Variants in PIEZO2 observed in about 807,000 individuals in gnomAD.
PIEZO2 encodes the protein piezo-type mechanosensitive ion channel component 2.
PIEZO2 carries 172 observed loss-of-function variants against 337.3 expected under a neutral mutation model. The observed-to-expected ratio is 0.51, with a 90% CI of 0.45 to 0.58. PIEZO2 has a LOEUF of 0.58. Among genes scored for constraint, PIEZO2 ranks in the 20% least tolerant of loss-of-function variants. PIEZO2 has a pLI of 0.00. For missense variants in PIEZO2, 3,028 were observed against 3,391.3 expected (o/e 0.89, Z 2.66); for synonymous variants, 1,251 against 1,228.5 (o/e 1.02, Z -0.38).
intron 1 of PIEZO2, among the ~76,000 whole-genome samples, chr18:11,090,186 T>C (rs1265511470): frequency 2.6e-5 from 4 of 152,146 alleles, no homozygotes; most frequent in Admixed American, 6.5e-5. Context: ...ACGGTGCCTT[T>C]TCCTGGAACA....
rs2040193334 is a variant in PIEZO2, at chr18:11,126,703, GA to G, written c.64+21821del. Among the ~76,000 whole-genome samples, 1 of 151,762 alleles carries G rather than the reference GA, an allele frequency of 6.6e-6. No individual in the cohort carries two copies. The highest frequency in any genetic ancestry group is 1.5e-5 in the Non-Finnish European group (1 of 67,976). On this transcript the variant is annotated intron_variant, in intron 1 of 55. Transcript: ENST00000674853. The surrounding 1 kb of genome is among the most constrained non-coding windows in gnomAD (Gnocchi z 4.6). ...GTAAATGTTTATTGAATGAATCAAT[GA>G]AAGATCAACATCACAATAATAATTT...
rs1334499844 is a variant in PIEZO2, at chr18:11,031,220, C to T, written c.160+34907G>A. Among the ~76,000 whole-genome samples, 2 of 151,010 alleles carry T rather than the reference C, an allele frequency of 1.3e-5. No individual in the cohort carries two copies. Among genetic ancestry groups the T allele is most frequent in the East Asian group, 3.9e-4 (2 of 5,144 alleles). On this transcript the variant is annotated intron_variant, in intron 2 of 55. Coordinates refer to ENST00000674853, the MANE Select transcript of PIEZO2 (RefSeq NM_001378183.1). The surrounding 1 kb of genome is among the most constrained non-coding windows in gnomAD (Gnocchi z 4.7). ...TTCACCGTGTTAGCCAGGATGGTCT[C>T]AATCTCCTGACCTCGTGATCCACCC...
In PIEZO2 at chr18:11,105,009, G is replaced by A. The variant is rs73400558; in HGVS notation, c.65-38787C>T. On this transcript the variant is annotated intron_variant, in intron 1 of 55. Coordinates refer to ENST00000674853, the MANE Select transcript of PIEZO2 (RefSeq NM_001378183.1). The surrounding 1 kb of genome is among the most constrained non-coding windows in gnomAD (Gnocchi z 4.3). ...TGGAAAAGAGATACTTTTGTCATGG[G>A]AATCACTAGCTCGAAGTCTGTTAGC... is the stretch of plus-strand genomic sequence containing the variant. Among the ~76,000 whole-genome samples the A allele has an allele frequency of 0.078, 11,916 of 152,184 alleles. 874 individuals are homozygous for A. Among genetic ancestry groups the A allele is most frequent in the African/African-American group, 0.2 (8,352 of 41,498 alleles).
rs895802539 is a variant in PIEZO2 at position 10,821,419 on chromosome 18, T to A, written c.918-14145A>T. Among the ~76,000 whole-genome samples, 1 of 152,230 alleles carries A rather than the reference T, an allele frequency of 6.6e-6. No individual in the cohort carries two copies. Among genetic ancestry groups the A allele is most frequent in the Admixed American group, 6.5e-5 (1 of 15,282 alleles). On this transcript the variant is annotated intron_variant, in intron 7 of 55. Transcript: ENST00000674853. The surrounding 1 kb of genome is among the most constrained non-coding windows in gnomAD (Gnocchi z 4.2). ...CTTTTTAACACCTGCCTGACTAATA[T>A]GAATATATACTTGCATAAAGGTATC...
intron 46 of PIEZO2, 45 bp from the exon 47 acceptor site, chr18:10,696,333 G>T (rs752505386): frequency 6.2e-7 from 1 of 1,613,708 alleles, no homozygotes; most frequent in Non-Finnish European, 8.5e-7. Flanking sequence ...GGCAATTCAT[G>T]GCAGGAAGCG....
rs2033831550 is a variant in PIEZO2, at chr18:10,962,671, G to A, written c.286+16864C>T. Reference sequence around the variant, plus strand: ...CAAGTACAAATTACTTTCTCCATAAGCAAACTTTCAGTAGGCATCCTGAGA... The same window carrying A: ...CAAGTACAAATTACTTTCTCCATAAACAAACTTTCAGTAGGCATCCTGAGA... On this transcript the variant is annotated intron_variant, in intron 3 of 55. Coordinates refer to ENST00000674853, the MANE Select transcript of PIEZO2 (RefSeq NM_001378183.1). This position sits in a 1 kb window ranked among gnomAD's most constrained non-coding sequence, Gnocchi z 4.1. 6.6e-6 allele frequency among the ~76,000 whole-genome samples: 1 copy of A among 152,096 alleles called. No homozygotes were observed. The highest frequency in any genetic ancestry group is 1.5e-5 in the Non-Finnish European group (1 of 68,018).
intron 1 of PIEZO2, among the ~76,000 whole-genome samples, chr18:11,082,381 G>T (rs996294546): frequency 6.6e-6 from 1 of 150,696 alleles, no homozygotes; most frequent in South Asian, 2.1e-4. Flanking sequence ...GCAGTGGCGC[G>T]ATCTCAGTTC....
Position 11,128,676 on chromosome 18 carries a change from G to A in PIEZO2, c.64+19849C>T, listed in dbSNP as rs2040256414. 6.6e-6 allele frequency among the ~76,000 whole-genome samples: 1 copy of A among 152,116 alleles called. No homozygotes were observed. The stretch of plus-strand genomic sequence containing the variant: ...TGAAGCAGTTTCTAGGCAAGATAAT[G>A]TTGATTCTCCTCAGAAGCCTCCCCC... On this transcript the variant is annotated intron_variant, in intron 1 of 55. Transcript: ENST00000674853. The surrounding 1 kb of genome is among the most constrained non-coding windows in gnomAD (Gnocchi z 4.1).
intron 36 of PIEZO2, among the ~76,000 whole-genome samples, chr18:10,730,089 G>T (rs763478175): frequency 2.0e-5 from 3 of 152,194 alleles, no homozygotes; most frequent in Non-Finnish European, 4.4e-5. Flanking sequence ...ACATGTGCAA[G>T]TACTGCTATA....
intron 1 of PIEZO2, among the ~76,000 whole-genome samples, chr18:11,113,936 G>A (rs957632661): frequency 6.6e-6 from 1 of 152,150 alleles, no homozygotes; most frequent in Non-Finnish European, 1.5e-5. Context: ...GCACTACCTT[G>A]ACTGTGATGA....
Position 10,726,733 on chromosome 18 carries a change from C to A in PIEZO2, c.5029+4674G>T, listed in dbSNP as rs138220224. 128 of 1,449,220 alleles carry A rather than the reference C, an allele frequency of 8.8e-5. No individual in the cohort carries two copies. In the African/African-American group the frequency reaches 1.6e-3, roughly 19 times the overall value. 89.8% of individuals were successfully genotyped at this position (1,449,220 alleles called of 1,614,324 possible). A position where few individuals can be genotyped will look rare whatever the true frequency, so the allele number is the denominator to read the frequency against. On this transcript the variant is annotated intron_variant, in intron 36 of 55. Transcript: ENST00000674853. The surrounding 1 kb of genome is among the most constrained non-coding windows in gnomAD (Gnocchi z 5.9). ...CGGCATCCTGTGCATTCTGGGACAT[C>A]GCCAGACCATCGATTTCCCGCTGCT... is the stretch of plus-strand genomic sequence containing the variant.
chr18:11,014,559 G>A (rs1009536835), intron 2 of PIEZO2, among the ~76,000 whole-genome samples: 1 of 142,642 alleles, frequency 7.0e-6, no homozygotes, highest in Non-Finnish European at 1.5e-5. Flanking sequence ...TCATTCCTCA[G>A]TGGGGAACAT....
At position 10,759,616 on chromosome 18, in the gene PIEZO2, A is replaced by G; in HGVS notation, c.3656-33T>C. On this transcript the variant is annotated intron_variant, in intron 25 of 55. Coordinates refer to ENST00000674853, the MANE Select transcript of PIEZO2 (RefSeq NM_001378183.1). This position sits in a 1 kb window ranked among gnomAD's most constrained non-coding sequence, Gnocchi z 5.5. The stretch of plus-strand genomic sequence containing the variant: ...GAGGGAAGTGGCGAACAGCACAATC[A>G]ATACTCTTCTTCACCACTCTTCTCC... The G allele has an allele frequency of 2.0e-6, 3 of 1,534,926 alleles. No homozygotes were observed. The highest frequency in any genetic ancestry group is 2.6e-6 in the Non-Finnish European group (3 of 1,144,764).
Position 11,108,683 on chromosome 18 carries a change from A to G in PIEZO2, c.64+39842T>C, listed in dbSNP as rs536373389. Among the ~76,000 whole-genome samples, 582 of 150,428 alleles carry G rather than the reference A, an allele frequency of 3.9e-3. 1 individual carries two copies. Among genetic ancestry groups the G allele is most frequent in the Non-Finnish European group, 5.8e-3 (394 of 67,858 alleles). On this transcript the variant is annotated intron_variant, in intron 1 of 55. Coordinates refer to ENST00000674853, the MANE Select transcript of PIEZO2 (RefSeq NM_001378183.1). ...ATTTCACAGTTTATAACATATTTTC[A>G]TATATGTTGTCTGATTTTATTCCCA... is the stretch of plus-strand genomic sequence containing the variant.
At chr18:11,014,756 A>G (rs1302551071) in intron 2 of PIEZO2, among the ~76,000 whole-genome samples, 1 of 119,764 alleles carries the variant, frequency 8.3e-6, no homozygotes, top group Non-Finnish European at 1.7e-5. Context: ...TGGGACAGCA[A>G]TCCGGGGCCC....
At position 10,942,133 on chromosome 18, in the gene PIEZO2, C is replaced by T. The variant is rs1034864540; in HGVS notation, c.287-30905G>A. Among the ~76,000 whole-genome samples, 1 of 152,172 alleles carries T rather than the reference C, an allele frequency of 6.6e-6. No homozygotes were observed. The highest frequency in any genetic ancestry group is 1.9e-4 in the East Asian group (1 of 5,200). ...ATAAACCTCTTTCTTTTGTAAAATG[C>T]CTAGTCTCTGGAATGTCTTTCTCAG... On this transcript the variant is annotated intron_variant, in intron 3 of 55. Coordinates refer to ENST00000674853, the MANE Select transcript of PIEZO2 (RefSeq NM_001378183.1). This position sits in a 1 kb window ranked among gnomAD's most constrained non-coding sequence, Gnocchi z 4.4.
At chr18:10,898,153 T>G (rs916054974) in intron 4 of PIEZO2, among the ~76,000 whole-genome samples, 1 of 152,196 alleles carries the variant, frequency 6.6e-6, no homozygotes, top group African/African-American at 2.4e-5. Context: ...GAGGTAAAAG[T>G]TTTACCTAAG....
At position 10,750,123 on chromosome 18, in the gene PIEZO2, C is replaced by G; in HGVS notation, c.4232G>C (p.Ser1411Thr). 3 of 1,537,158 alleles carry G rather than the reference C, an allele frequency of 2.0e-6. No homozygotes were observed. Among genetic ancestry groups the G allele is most frequent in the Non-Finnish European group, 2.6e-6 (3 of 1,146,838 alleles). The change falls in exon 29 of 56, where the codon AGC becomes ACC. Residue 1411 changes from serine (S) to threonine (T), a missense_variant. Ser to Thr is a moderately conservative substitution (Grantham distance 58). Coordinates refer to ENST00000674853, the MANE Select transcript of PIEZO2 (RefSeq NM_001378183.1). This position sits in a 1 kb window ranked among gnomAD's most constrained non-coding sequence, Gnocchi z 4.1. Reference protein sequence around the residue: ...HNSCWLIQAFSLACTVKGYQM... With the variant: ...HNSCWLIQAFTLACTVKGYQM... ...ATAGCCTTTGACTGTGCAGGCCAGG[C>G]TGAAAGCCTGGATCAACCAACAACT...
chr18:10,912,467 A>C (rs1436273627), intron 3 of PIEZO2, among the ~76,000 whole-genome samples: 1 of 152,190 alleles, frequency 6.6e-6, no homozygotes, highest in African/African-American at 2.4e-5. Context: ...CACAGCAGGT[A>C]GTTATTGATA....
Sources: gnomAD v4.1 joint callset for allele counts (sites outside exome capture counted in the v4.1 genomes callset) on GRCh38, gnomAD v4.1.1 for gene constraint, Gnocchi (gnomAD v3.1) non-coding constraint, MANE v1.5 for transcripts, NCBI Gene and HGNC (gene_info 2026-07-23, HGNC 2026-07-21) for gene names.